Variants in PEBP4 observed in about 807,000 individuals in gnomAD.
PEBP4 encodes the protein phosphatidylethanolamine binding protein 4.
A neutral mutation model predicts 23.9 loss-of-function variants in PEBP4; 22 were observed. The ratio of observed to expected loss-of-function variants is 0.92; its 90% CI spans 0.66 to 1.31. The LOEUF is 1.31. Among genes scored for constraint, PEBP4 ranks in the 40% most tolerant of loss-of-function variants. The pLI is 0.00. For missense variants in PEBP4, 324 were observed against 281.7 expected, an observed-to-expected ratio of 1.15 and a Z score of -1.07; for synonymous variants, 112 against 99.3, an observed-to-expected ratio of 1.13 and a Z score of -0.76.
intron 3 of PEBP4, among the ~76,000 whole-genome samples, chr8:22,835,765 ACT>A (rs759532352): frequency 6.6e-6 from 1 of 152,176 alleles, no homozygotes; most frequent in Non-Finnish European, 1.5e-5. Flanking sequence ...TCAAACTCAC[ACT>A]GTCTCCAAGA....
chr8:22,813,206 C>A lies in PEBP4; in HGVS notation c.357+4431G>T, dbSNP rs367690762. Among the ~76,000 whole-genome samples the A allele has an allele frequency of 6.6e-5, 10 of 152,304 alleles. No individual in the cohort carries two copies. The East Asian group carries it at 1.7e-3, about 26-fold the overall frequency. On this transcript the variant is annotated intron_variant, in intron 4 of 6. Transcript: ENST00000256404. ...CCCTTTAGAGACTCTTTTAATTCAA[C>A]CCAGAATTGGTTGCATTTACAGTTG...
At chr8:22,761,570 G>T (rs920956214) in intron 4 of PEBP4, among the ~76,000 whole-genome samples, 1 of 152,182 alleles carries the variant, frequency 6.6e-6, no homozygotes, top group Non-Finnish European at 1.5e-5. Flanking sequence ...CTTTTCAGAG[G>T]TAATGTTCTG....
chr8:22,736,974 A>G (rs1804874637), intron 4 of PEBP4, among the ~76,000 whole-genome samples: 1 of 152,182 alleles, frequency 6.6e-6, no homozygotes, highest in Admixed American at 6.5e-5. Context: ...TTTGCACCCA[A>G]CTACAGCATG....
chr8:22,828,923 G>T (rs775186692), intron 3 of PEBP4, among the ~76,000 whole-genome samples: 1 of 151,742 alleles, frequency 6.6e-6, no homozygotes, highest in African/African-American at 2.4e-5. Context: ...CCCCCAAACG[G>T]CTCCACCTCC....
intron 4 of PEBP4, among the ~76,000 whole-genome samples, chr8:22,796,148 T>A (rs1806254861): frequency 6.6e-6 from 1 of 152,222 alleles, no homozygotes. Flanking sequence ...TAGAGTCTAA[T>A]GTTGGCAAAT....
chr8:22,746,152 T>G (rs1805111799), intron 4 of PEBP4, among the ~76,000 whole-genome samples: 1 of 152,106 alleles, frequency 6.6e-6, no homozygotes, highest in East Asian at 1.9e-4. Flanking sequence ...AAGAGACATT[T>G]TTGCTGAAGT....
At chr8:22,751,588 C>CTG (rs139334012) in intron 4 of PEBP4, among the ~76,000 whole-genome samples, 73,249 of 146,962 alleles carry the variant, frequency 0.5, 18,873 homozygotes, top group Middle Eastern at 0.6. Flanking sequence ...AGGAGTGTGT[C>CTG]TGTGTGTGTG....
At chr8:22,740,655 ATGG>A (rs965811387) in intron 4 of PEBP4, among the ~76,000 whole-genome samples, 30 of 152,074 alleles carry the variant, frequency 2.0e-4, no homozygotes, top group Admixed American at 1.7e-3. Context: ...CCGGTTCCTG[ATGG>A]TACCTCCTTT....
intron 4 of PEBP4, among the ~76,000 whole-genome samples, chr8:22,766,679 G>A (rs1015316039): frequency 3.3e-5 from 5 of 152,220 alleles, no homozygotes; most frequent in African/African-American, 9.6e-5. Flanking sequence ...AGGGGCAGCA[G>A]CACCCGGGGC....
intron 4 of PEBP4, among the ~76,000 whole-genome samples, chr8:22,784,454 C>A (rs1452293084): frequency 6.6e-6 from 1 of 152,204 alleles, no homozygotes; most frequent in East Asian, 1.9e-4. Context: ...GAAACTGAGG[C>A]AATGGAGTAG....
At chr8:22,844,858 T>C (rs1218265322) in intron 3 of PEBP4, among the ~76,000 whole-genome samples, 1 of 152,182 alleles carries the variant, frequency 6.6e-6, no homozygotes, top group African/African-American at 2.4e-5. Context: ...TGGTGGGCAC[T>C]TGACCTGGGG....
chr8:22,809,604 C>T (rs1313756817), intron 4 of PEBP4, among the ~76,000 whole-genome samples: 1 of 152,152 alleles, frequency 6.6e-6, no homozygotes, highest in Non-Finnish European at 1.5e-5. Flanking sequence ...TGCTTACCCA[C>T]TCTGGGCCTC....
At chr8:22,779,941 G>GT (rs1480593927) in intron 4 of PEBP4, among the ~76,000 whole-genome samples, 2 of 149,774 alleles carry the variant, frequency 1.3e-5, no homozygotes, top group African/African-American at 4.9e-5. Context: ...CAGGCATCTT[G>GT]TTTTTTTAAA....
chr8:22,769,266 G>A (rs1396518806), intron 4 of PEBP4, among the ~76,000 whole-genome samples: 5 of 152,150 alleles, frequency 3.3e-5, no homozygotes, highest in East Asian at 1.9e-4. Flanking sequence ...TACTCTTGGC[G>A]CCAACCATGC....
chr8:22,721,526 A>G (rs774576252), intron 6 of PEBP4, among the ~76,000 whole-genome samples: 1 of 152,074 alleles, frequency 6.6e-6, no homozygotes, highest in African/African-American at 2.4e-5. Context: ...TAAGCCTGTC[A>G]TTTACCCATA....
Position 22,820,272 on chromosome 8 carries a change from T to C in PEBP4, c.259-2537A>G, listed in dbSNP as rs556646195. Among the ~76,000 whole-genome samples the C allele has an allele frequency of 1.2e-4, 19 of 152,270 alleles. No homozygotes were observed. The South Asian group carries it at 2.7e-3, about 22-fold the overall frequency. On this transcript the variant is annotated intron_variant, in intron 3 of 6. Transcript: ENST00000256404. ...AGAGAGTGAGAAAATGAATATACCATAGGTATGTGGTAGGTTACCAGATAG... is the reference window on the plus strand; with the variant it reads ...AGAGAGTGAGAAAATGAATATACCACAGGTATGTGGTAGGTTACCAGATAG...
chr8:22,789,941 G>A (rs140737829), intron 4 of PEBP4, among the ~76,000 whole-genome samples: 245 of 152,342 alleles, frequency 1.6e-3, no homozygotes, highest in African/African-American at 5.7e-3. Flanking sequence ...TCTTTCTGAT[G>A]CAAGAGAGAG....
intron 4 of PEBP4, among the ~76,000 whole-genome samples, chr8:22,761,777 C>G (rs1316193912): frequency 6.6e-6 from 1 of 152,186 alleles, no homozygotes; most frequent in East Asian, 1.9e-4. Context: ...TGTTGCTGGG[C>G]TCTGTGTTTT....
intron 6 of PEBP4, among the ~76,000 whole-genome samples, chr8:22,717,529 C>T (rs945224630): frequency 6.6e-6 from 1 of 152,222 alleles, no homozygotes; most frequent in Non-Finnish European, 1.5e-5. Flanking sequence ...GCTCCCCCCA[C>T]CCCAGCTCCA....
Sources: allele counts gnomAD v4.1 joint callset (sites outside exome capture counted in the v4.1 genomes callset), GRCh38; gene constraint gnomAD v4.1.1; transcripts MANE v1.5; gene names NCBI Gene and HGNC (gene_info 2026-07-23, HGNC 2026-07-21).